NMNAT1: variants seen among roughly 807,000 people sequenced by gnomAD.
NMNAT1 encodes the protein nicotinamide/nicotinic acid mononucleotide adenylyltransferase 1.
A neutral mutation model predicts 16.7 loss-of-function variants in NMNAT1; 11 were observed. That is an observed-to-expected ratio of 0.66 (90% CI 0.41 to 1.09). NMNAT1 has a LOEUF of 1.09. Ranked by LOEUF, NMNAT1 falls within the 50% of genes least tolerant of loss-of-function variation. The probability of loss-of-function intolerance (pLI) is 0.00; values close to 1 mark genes in which losing one functional copy is unlikely to be tolerated. For missense variants in NMNAT1, 280 were observed against 332.3 expected, an observed-to-expected ratio of 0.84 and a Z score of 1.22; for synonymous variants, 110 against 119.8, an observed-to-expected ratio of 0.92 and a Z score of 0.53.
chr1:9,962,677 GTTTTT>G (rs34747915), intron 1 of NMNAT1, among the ~76,000 whole-genome samples: 3 of 74,220 alleles, frequency 4.0e-5, no homozygotes, highest in African/African-American at 1.8e-4. Context: ...CCAAATAAGG[GTTTTT>G]TTTTTTTTTT....
chr1:9,953,438 A>C (rs1455687109), intron 1 of NMNAT1, among the ~76,000 whole-genome samples: 1 of 124,450 alleles, frequency 8.0e-6, no homozygotes, highest in Admixed American at 9.7e-5. Flanking sequence ...CACCACACCC[A>C]GCTAATTTTG....
intron 1 of NMNAT1, among the ~76,000 whole-genome samples, chr1:9,956,974 C>T (rs1229837936): frequency 6.6e-6 from 1 of 152,004 alleles, no homozygotes; most frequent in Non-Finnish European, 1.5e-5. Context: ...TTGTGATCCA[C>T]CCGCCTCGGC....
rs187862194 is a variant in NMNAT1, at chr1:9,978,312, C to T, written c.299+2537C>T. 2.2e-3 allele frequency among the ~76,000 whole-genome samples: 328 copies of T among 151,740 alleles called. 3 individuals carry two copies. The highest frequency in any genetic ancestry group is 7.4e-3 in the African/African-American group (306 of 41,412). ...TGGAGGTTGCAGTGAGCCGAGATTG[C>T]GCCACTGCACTCCAGCCTGGGTGAC... On this transcript the variant is annotated intron_variant, in intron 3 of 4. Transcript: ENST00000377205.
chr1:9,979,665 G>A (rs1464700956), intron 3 of NMNAT1, among the ~76,000 whole-genome samples: 1 of 151,768 alleles, frequency 6.6e-6, no homozygotes, highest in Non-Finnish European at 1.5e-5. Flanking sequence ...AGCCGGGCGT[G>A]GTGGTGGGCG....
intron 3 of NMNAT1, among the ~76,000 whole-genome samples, chr1:9,979,615 A>G (rs1394331846): frequency 6.6e-6 from 1 of 152,052 alleles, no homozygotes. Context: ...CCTGGCTAAC[A>G]TGGTGAAACC....
At chr1:9,995,576 C>T in the NMNAT1 span, among the ~76,000 whole-genome samples, 7 of 151,756 alleles carry the variant, frequency 4.6e-5, no homozygotes, top group Non-Finnish European at 1.0e-4. Flanking sequence ...TACCTGTAAT[C>T]CCAGCTACTC....
At position 9,967,006 on chromosome 1, in the gene NMNAT1, C is replaced by T. The variant is rs548382905; in HGVS notation, c.-56-5012C>T. On this transcript the variant is annotated intron_variant, in intron 1 of 4. Transcript: ENST00000377205. ...TAAAAGGCCGTGGCGGGCAGATCAC[C>T]TGAGGTCAGGAGTTCAAGACCAACC... Among the ~76,000 whole-genome samples, 20 of 152,164 alleles carry T rather than the reference C, an allele frequency of 1.3e-4. No individual in the cohort carries two copies. The South Asian group carries it at 4.1e-3, about 32-fold the overall frequency.
At chr1:9,993,762 C>A in the NMNAT1 span, among the ~76,000 whole-genome samples, 1 of 152,148 alleles carries the variant, frequency 6.6e-6, no homozygotes, top group Admixed American at 6.6e-5. Context: ...CTACTGGATT[C>A]TTAGCTTGAG....
chr1:9,968,027 A>G (rs185616240), intron 1 of NMNAT1, among the ~76,000 whole-genome samples: 4 of 151,528 alleles, frequency 2.6e-5, no homozygotes, highest in Non-Finnish European at 5.9e-5. Context: ...CAACATTCAT[A>G]ATAGCTATAT....
chr1:9,975,568 T>G (rs371906342), intron 2 of NMNAT1, 24 bp from the exon 3 acceptor site: 1 of 1,562,900 alleles, frequency 6.4e-7, no homozygotes, highest in Non-Finnish European at 8.7e-7. Context: ...TTATACCTAG[T>G]GTGAAACCTA....
At chr1:9,962,826 T>C (rs1641456103) in intron 1 of NMNAT1, among the ~76,000 whole-genome samples, 1 of 151,782 alleles carries the variant, frequency 6.6e-6, no homozygotes, top group African/African-American at 2.4e-5. Context: ...GGACTACAGG[T>C]GCCTGCCAAC....
upstream of NMNAT1, chr1:9,943,073 C>G (rs1015026448): frequency 2.6e-5 from 7 of 266,466 alleles, no homozygotes; most frequent in Non-Finnish European, 5.4e-5. Context: ...GAGGGTTTGG[C>G]CCAGAACCAA....
chr1:9,996,480 C>G, the NMNAT1 span, among the ~76,000 whole-genome samples: 1 of 152,146 alleles, frequency 6.6e-6, no homozygotes, highest in East Asian at 1.9e-4. Flanking sequence ...TTTCTCTGCT[C>G]TGAGGCTAAA....
intron 1 of NMNAT1, among the ~76,000 whole-genome samples, chr1:9,965,312 T>C (rs1274399967): frequency 3.2e-5 from 4 of 124,786 alleles, no homozygotes; most frequent in African/African-American, 6.1e-5. Flanking sequence ...CGAGACTCCA[T>C]CTCAAAAAAA....
rs146660747 is a variant in NMNAT1 at position 9,962,552 on chromosome 1, A to G, written c.-56-9466A>G. Among the ~76,000 whole-genome samples the G allele has an allele frequency of 2.1e-3, 326 of 151,810 alleles. 3 individuals are homozygous for G. The highest frequency in any genetic ancestry group is 7.3e-3 in the African/African-American group (304 of 41,414). Reference sequence around the variant, plus strand: ...CAGGCAATATGCTAAGCCCCTTGCCATGTTTATCCTCAGAATTAATCCTCA... The same window carrying G: ...CAGGCAATATGCTAAGCCCCTTGCCGTGTTTATCCTCAGAATTAATCCTCA... On this transcript the variant is annotated intron_variant, in intron 1 of 4. Transcript: ENST00000377205.
rs1641154064 is a variant in NMNAT1 at position 9,953,022 on chromosome 1, C to T, written c.-57+9507C>T. On this transcript the variant is annotated intron_variant, in intron 1 of 4. Transcript: ENST00000377205. ...TTGAGACGGAGTCTTGCTCTGTCGC[C>T]CAGGTGGAAGTGCAGTGACGTGATC... 3.3e-5 allele frequency among the ~76,000 whole-genome samples: 5 copies of T among 151,790 alleles called. No homozygotes were observed. The South Asian group carries it at 8.3e-4, about 25-fold the overall frequency.
At chr1:9,959,894 C>T (rs1007156840) in intron 1 of NMNAT1, among the ~76,000 whole-genome samples, 1 of 152,024 alleles carries the variant, frequency 6.6e-6, no homozygotes, top group African/African-American at 2.4e-5. Context: ...CAAAATATAC[C>T]CCCAAGAGTA....
chr1:9,944,813 T>C (rs1366454273), intron 1 of NMNAT1, among the ~76,000 whole-genome samples: 1 of 152,244 alleles, frequency 6.6e-6, no homozygotes, highest in African/African-American at 2.4e-5. Context: ...ATCAGTTGTT[T>C]TTCAGAGTTA....
intron 1 of NMNAT1, chr1:9,956,023 A>C (rs557708599): frequency 6.6e-6 from 1 of 152,162 alleles, no homozygotes; most frequent in Non-Finnish European, 1.5e-5. Context: ...CACTGGGTTC[A>C]TCTTGGCTGT....
Sources: gnomAD v4.1 joint callset for allele counts (sites outside exome capture counted in the v4.1 genomes callset) on GRCh38, gnomAD v4.1.1 for gene constraint, MANE v1.5 for transcripts, NCBI Gene and HGNC (gene_info 2026-07-23, HGNC 2026-07-21) for gene names.